The following CACNA2D3 variants were observed in gnomAD, a reference collection of about 807,000 sequenced individuals.
CACNA2D3 encodes calcium voltage-gated channel auxiliary subunit alpha2delta 3.
In CACNA2D3, 60 loss-of-function variants were observed where a neutral mutation model predicts 160.6. The observed-to-expected ratio is 0.37, with a 90% CI of 0.30 to 0.46. CACNA2D3 has a LOEUF of 0.46. Among genes scored for constraint, CACNA2D3 ranks in the 20% least tolerant of loss-of-function variants. The pLI is 1.00. For synonymous variants in CACNA2D3, 558 were observed against 492.9 expected (o/e 1.13, Z -1.75); for missense variants, 1,205 against 1,365.0 (o/e 0.88, Z 1.85).
intron 2 of CACNA2D3, among the ~76,000 whole-genome samples, chr3:54,162,736 C>T (rs1184360364): frequency 6.6e-6 from 1 of 152,150 alleles, no homozygotes; most frequent in Non-Finnish European, 1.5e-5. Context: ...GACAGTGCTG[C>T]CCCAGATCAC....
intron 12 of CACNA2D3, among the ~76,000 whole-genome samples, chr3:54,755,112 G>C (rs530563052): frequency 6.6e-6 from 1 of 152,284 alleles, no homozygotes; most frequent in South Asian, 2.1e-4. Context: ...CAATACTGTG[G>C]GCAAGGCACA....
chr3:54,912,361 G>C (rs1700575761), intron 27 of CACNA2D3, among the ~76,000 whole-genome samples: 1 of 152,122 alleles, frequency 6.6e-6, no homozygotes, highest in Non-Finnish European at 1.5e-5. Flanking sequence ...ATCATTGAGA[G>C]TTATCCTAAA....
intron 27 of CACNA2D3, among the ~76,000 whole-genome samples, chr3:54,955,680 A>T (rs966091681): frequency 6.6e-6 from 1 of 152,102 alleles, no homozygotes; most frequent in African/African-American, 2.4e-5. Flanking sequence ...AAATTGAGGG[A>T]CACTGAGATC....
chr3:54,399,602 TG>T (rs1699410318), intron 4 of CACNA2D3, among the ~76,000 whole-genome samples: 1 of 26,694 alleles, frequency 3.7e-5, no homozygotes, highest in Non-Finnish European at 7.4e-5. Context: ...GTGCCCCTGC[TG>T]GGGGGTGCCT....
intron 2 of CACNA2D3, among the ~76,000 whole-genome samples, chr3:54,158,899 G>A (rs1484938915): frequency 1.3e-5 from 2 of 152,152 alleles, no homozygotes; most frequent in African/African-American, 4.8e-5. Context: ...CGAACTCCCT[G>A]CCCTGCTGAA....
chr3:54,618,374 TGCACACAC>T (rs1223921022), intron 9 of CACNA2D3, among the ~76,000 whole-genome samples: 1 of 54,586 alleles, frequency 1.8e-5, no homozygotes. Flanking sequence ...TATATATATA[TGCACACAC>T]ACACACACAC....
intron 9 of CACNA2D3, among the ~76,000 whole-genome samples, chr3:54,598,751 T>A (rs1478822837): frequency 6.6e-6 from 1 of 152,168 alleles, no homozygotes; most frequent in Non-Finnish European, 1.5e-5. Flanking sequence ...CTAATGATAA[T>A]GGGGATTTTA....
intron 9 of CACNA2D3, among the ~76,000 whole-genome samples, chr3:54,596,891 C>T (rs1344731438): frequency 1.3e-5 from 2 of 152,152 alleles, no homozygotes; most frequent in Non-Finnish European, 1.5e-5. Flanking sequence ...ATCTTCCCTT[C>T]CCACCTAACA....
At chr3:54,374,240 C>T (rs766906742) in intron 3 of CACNA2D3, among the ~76,000 whole-genome samples, 3 of 152,174 alleles carry the variant, frequency 2.0e-5, no homozygotes, top group African/African-American at 4.8e-5. Flanking sequence ...GTCTGCAGCA[C>T]GAGTGGGTAA....
chr3:54,353,977 C>A (rs1418699979), intron 3 of CACNA2D3, among the ~76,000 whole-genome samples: 1 of 152,152 alleles, frequency 6.6e-6, no homozygotes, highest in Non-Finnish European at 1.5e-5. Flanking sequence ...CTCTTAATTG[C>A]CTTCTTTGTG....
intron 27 of CACNA2D3, among the ~76,000 whole-genome samples, chr3:54,915,222 A>C (rs183199517): frequency 6.6e-6 from 1 of 152,196 alleles, no homozygotes; most frequent in Non-Finnish European, 1.5e-5. Context: ...TTTCAGATAT[A>C]AAGTTGATTC....
chr3:54,344,308 G>T (rs1698417274), intron 3 of CACNA2D3, among the ~76,000 whole-genome samples: 1 of 152,092 alleles, frequency 6.6e-6, no homozygotes, highest in African/African-American at 2.4e-5. Flanking sequence ...GTTCTTTGAA[G>T]GCAGAGCAGT....
chr3:54,339,348 C>G (rs574014926), intron 3 of CACNA2D3, among the ~76,000 whole-genome samples: 1 of 152,314 alleles, frequency 6.6e-6, no homozygotes, highest in South Asian at 2.1e-4. Flanking sequence ...TTCCTTGGCC[C>G]TCTTGCCTAA....
chr3:54,654,599 G>A (rs952398708), intron 11 of CACNA2D3, among the ~76,000 whole-genome samples: 2 of 152,108 alleles, frequency 1.3e-5, no homozygotes, highest in Non-Finnish European at 2.9e-5. Flanking sequence ...TTAGAAGCTT[G>A]GGGGAGAAGC....
At chr3:54,555,153 GGTGTGAGCCA>G (rs1702224019) in intron 5 of CACNA2D3, among the ~76,000 whole-genome samples, 5 of 152,132 alleles carry the variant, frequency 3.3e-5, no homozygotes, top group Admixed American at 3.3e-4. Context: ...TGAGATTACA[GGTGTGAGCCA>G]GTGTGCCCAG....
At chr3:54,255,656 A>G (rs1321522440) in intron 2 of CACNA2D3, among the ~76,000 whole-genome samples, 1 of 152,024 alleles carries the variant, frequency 6.6e-6, no homozygotes, top group East Asian at 1.9e-4. Flanking sequence ...CAAAAGTACA[A>G]TCTTTGGGCC....
At chr3:55,040,686 A>C (rs548259708) in intron 35 of CACNA2D3, among the ~76,000 whole-genome samples, 109 of 152,300 alleles carry the variant, frequency 7.2e-4, no homozygotes, top group Middle Eastern at 3.4e-3. Flanking sequence ...CCTCATCTCT[A>C]ATAATAAAAA....
At chr3:54,260,021 A>G (rs1452462160) in intron 2 of CACNA2D3, among the ~76,000 whole-genome samples, 1 of 152,214 alleles carries the variant, frequency 6.6e-6, no homozygotes, top group Non-Finnish European at 1.5e-5. Context: ...CCTAACTTCT[A>G]AGAATTAAAC....
intron 11 of CACNA2D3, among the ~76,000 whole-genome samples, chr3:54,709,343 C>T (rs971812779): frequency 6.8e-6 from 1 of 146,680 alleles, no homozygotes; most frequent in Non-Finnish European, 1.5e-5. Context: ...CTGCAGACTG[C>T]TTAAAGTCCT....
Sources: gnomAD v4.1 joint callset for allele counts (sites outside exome capture counted in the v4.1 genomes callset) on GRCh38, gnomAD v4.1.1 for gene constraint, MANE v1.5 for transcripts, NCBI Gene and HGNC (gene_info 2026-07-23, HGNC 2026-07-21) for gene names.